The following DIS3L2 variants were observed in gnomAD, a reference collection of about 807,000 sequenced individuals.
DIS3L2 encodes DIS3 like 3'-5' exoribonuclease 2.
In DIS3L2, 34 loss-of-function variants were observed where a neutral mutation model predicts 97.5. That is an observed-to-expected ratio of 0.35 (90% CI 0.27 to 0.46). The LOEUF (loss-of-function observed/expected upper bound fraction) is 0.46. Ranked by LOEUF, DIS3L2 falls within the 20% of genes least tolerant of loss-of-function variation. DIS3L2 has a pLI of 1.00. For missense variants in DIS3L2, 1,038 were observed against 1,146.0 expected (o/e 0.91, Z 1.36); for synonymous variants, 435 against 445.2 (o/e 0.98, Z 0.29).
intron 1 of DIS3L2, among the ~76,000 whole-genome samples, chr2:231,993,850 C>A (rs1186131383): frequency 6.7e-6 from 1 of 149,826 alleles, no homozygotes; most frequent in East Asian, 2.0e-4. Flanking sequence ...AGTTGTCATT[C>A]ATCTATGTCA....
chr2:232,290,771 C>T (rs1028073786), intron 13 of DIS3L2, among the ~76,000 whole-genome samples: 1 of 152,168 alleles, frequency 6.6e-6, no homozygotes, highest in Middle Eastern at 3.2e-3. Flanking sequence ...TTACAGACGG[C>T]GCTGCAGGGA....
At chr2:232,090,172 C>G (rs1026352803) in intron 6 of DIS3L2, among the ~76,000 whole-genome samples, 1 of 152,110 alleles carries the variant, frequency 6.6e-6, no homozygotes, top group African/African-American at 2.4e-5. Context: ...TGGCCTCAAG[C>G]GATCCTCCTG....
intron 9 of DIS3L2, among the ~76,000 whole-genome samples, chr2:232,195,194 T>G (rs1339593208): frequency 3.3e-5 from 5 of 152,184 alleles, no homozygotes; most frequent in Non-Finnish European, 4.4e-5. Context: ...CATACTCAAT[T>G]TAATAATAGA....
intron 6 of DIS3L2, among the ~76,000 whole-genome samples, chr2:232,103,120 AG>A (rs1418944672): frequency 6.6e-6 from 1 of 152,190 alleles, no homozygotes; most frequent in Admixed American, 6.5e-5. Context: ...CTTTTGTAAA[AG>A]TGAAACGTTC....
intron 6 of DIS3L2, among the ~76,000 whole-genome samples, chr2:232,121,212 T>C (rs558281584): frequency 6.6e-6 from 1 of 152,176 alleles, no homozygotes; most frequent in Non-Finnish European, 1.5e-5. Flanking sequence ...CCTGTGACCT[T>C]GTCACTAAGG....
chr2:232,026,458 A>G (rs1176997812), intron 4 of DIS3L2, among the ~76,000 whole-genome samples: 1 of 151,950 alleles, frequency 6.6e-6, no homozygotes, highest in Non-Finnish European at 1.5e-5. Context: ...TTTCATGCCC[A>G]AACGTGGGCA....
Position 232,246,793 on chromosome 2 carries a change from A to AAATTC in DIS3L2, c.1318-2446_1318-2445insAATTC, listed in dbSNP as rs1273575757. ...GAACCCCAAATTCCAACATATAGAA[A>AAATTC]CAGATCAGGTTTTCACTAAATAATT... On this transcript the variant is annotated intron_variant, in intron 11 of 20. Coordinates refer to ENST00000325385, the MANE Select transcript of DIS3L2 (RefSeq NM_152383.5). Among the ~76,000 whole-genome samples the AAATTC allele has an allele frequency of 3.5e-5, 3 of 86,754 alleles. No homozygotes were observed. The East Asian group carries it at 1.1e-3, about 31-fold the overall frequency. 56.9% of individuals were successfully genotyped at this position (86,754 alleles called of 152,430 possible).
intron 6 of DIS3L2, among the ~76,000 whole-genome samples, chr2:232,126,816 C>G (rs1199858096): frequency 6.6e-6 from 1 of 152,206 alleles, no homozygotes; most frequent in Non-Finnish European, 1.5e-5. Context: ...CCTCCCTACC[C>G]AGCACTGTGT....
chr2:232,209,798 A>C (rs1692136401), intron 9 of DIS3L2, among the ~76,000 whole-genome samples: 1 of 152,212 alleles, frequency 6.6e-6, no homozygotes, highest in Non-Finnish European at 1.5e-5. Flanking sequence ...CACATGGTGT[A>C]CTTGGTATGA....
rs370891858 is a variant in DIS3L2 at position 231,972,284 on chromosome 2, CTTA to C, written c.-94+10524_-94+10526del. ...AATACATAAAGCAGTAACATAGCCA[CTTA>C]TTATCAAGTATTGCATACTGTATGT... On this transcript the variant is annotated intron_variant, in intron 1 of 20. Coordinates refer to ENST00000325385, the MANE Select transcript of DIS3L2 (RefSeq NM_152383.5). Among the ~76,000 whole-genome samples the C allele has an allele frequency of 3.9e-3, 596 of 152,226 alleles. 3 individuals carry two copies. The highest frequency in any genetic ancestry group is 0.014 in the African/African-American group (563 of 41,542).
intron 9 of DIS3L2, among the ~76,000 whole-genome samples, chr2:232,175,090 A>C (rs1008668748): frequency 6.6e-6 from 1 of 152,244 alleles, no homozygotes; most frequent in South Asian, 2.1e-4. Context: ...CGGCCTCCCA[A>C]AGTGCTGGGA....
downstream of DIS3L2, chr2:232,339,652 A>G (rs1696063094): frequency 4.4e-6 from 2 of 453,468 alleles, no homozygotes; most frequent in African/African-American, 2.0e-5. Context: ...AAGGCCTACA[A>G]GGATCTGCTG....
chr2:232,252,151 T>A (rs1461455706), intron 12 of DIS3L2, among the ~76,000 whole-genome samples: 1 of 152,224 alleles, frequency 6.6e-6, no homozygotes, highest in Non-Finnish European at 1.5e-5. Context: ...CTCATGCCTG[T>A]TATCCTAGCA....
chr2:232,284,664 C>G (rs1480405647), intron 13 of DIS3L2, among the ~76,000 whole-genome samples: 1 of 152,116 alleles, frequency 6.6e-6, no homozygotes, highest in African/African-American at 2.4e-5. Flanking sequence ...GGTCTTTGCC[C>G]CGGGAGAGCT....
At chr2:232,054,736 A>C (rs1695497252) in intron 5 of DIS3L2, among the ~76,000 whole-genome samples, 1 of 152,204 alleles carries the variant, frequency 6.6e-6, no homozygotes, top group African/African-American at 2.4e-5. Flanking sequence ...ACTATTCTGG[A>C]GAACAGAAAA....
chr2:232,095,000 T>C (rs1472947470), intron 6 of DIS3L2, among the ~76,000 whole-genome samples: 1 of 152,206 alleles, frequency 6.6e-6, no homozygotes, highest in African/African-American at 2.4e-5. Flanking sequence ...TCCATTGGCT[T>C]GGAATATCTT....
chr2:232,192,119 A>G (rs1484468136), intron 9 of DIS3L2, among the ~76,000 whole-genome samples: 1 of 152,244 alleles, frequency 6.6e-6, no homozygotes, highest in African/African-American at 2.4e-5. Context: ...AAATGTGTAC[A>G]GAAGTTTGAT....
chr2:232,343,572 T>A (rs1696162066), exon 14 of DIS3L2: 2 of 1,575,040 alleles, frequency 1.3e-6, no homozygotes, highest in African/African-American at 2.7e-5. Context: ...AGTTGCAGAT[T>A]TGAAGAAGCA....
chr2:232,118,146 A>C (rs1367272479), intron 6 of DIS3L2, among the ~76,000 whole-genome samples: 1 of 152,160 alleles, frequency 6.6e-6, no homozygotes, highest in Non-Finnish European at 1.5e-5. Context: ...ATGTGGCCGC[A>C]TGCTTTATCA....
Sources: allele counts gnomAD v4.1 joint callset (sites outside exome capture counted in the v4.1 genomes callset), GRCh38; gene constraint gnomAD v4.1.1; transcripts MANE v1.5; gene names NCBI Gene and HGNC (gene_info 2026-07-23, HGNC 2026-07-21).